The following NAALADL2 variants were observed in gnomAD, a reference collection of about 807,000 sequenced individuals.
NAALADL2 encodes the protein N-acetylated alpha-linked acidic dipeptidase like 2, also known as inactive N-acetylated-alpha-linked acidic dipeptidase-like protein 2.
NAALADL2 carries 76 observed loss-of-function variants against 87.2 expected under a neutral mutation model. The observed-to-expected ratio is 0.87, with a 90% CI of 0.72 to 1.05. The LOEUF is 1.05. Ranked by LOEUF, NAALADL2 falls within the 50% of genes least tolerant of loss-of-function variation. NAALADL2 has a pLI of 0.00. For missense variants in NAALADL2, 1,089 were observed against 945.8 expected (o/e 1.15, Z -1.99); for synonymous variants, 354 against 331.0 (o/e 1.07, Z -0.75).
chr3:174,727,430 G>T (rs1732307906), intron 2 of NAALADL2, among the ~76,000 whole-genome samples: 1 of 151,520 alleles, frequency 6.6e-6, no homozygotes, highest in African/African-American at 2.4e-5. Context: ...TTGGAGCATG[G>T]GTACTACCAT....
chr3:175,380,432 C>T (rs1188043937), intron 5 of NAALADL2, among the ~76,000 whole-genome samples: 2 of 152,078 alleles, frequency 1.3e-5, no homozygotes, highest in Admixed American at 1.3e-4. Context: ...TTCAATAATA[C>T]ATAAATTTTA....
intron 1 of NAALADL2, among the ~76,000 whole-genome samples, chr3:175,079,702 T>C (rs1305264294): frequency 1.3e-5 from 2 of 152,178 alleles, no homozygotes; most frequent in African/African-American, 4.8e-5. Context: ...TATGTGCATA[T>C]CTTCTGGATC....
chr3:174,596,694 C>T (rs1378361426), intron 2 of NAALADL2, among the ~76,000 whole-genome samples: 1 of 152,154 alleles, frequency 6.6e-6, no homozygotes, highest in Non-Finnish European at 1.5e-5. Flanking sequence ...ACTCTTCTTG[C>T]TAAGTACATT....
At chr3:175,416,626 A>G (rs12488942) in intron 5 of NAALADL2, among the ~76,000 whole-genome samples, 4,081 of 152,280 alleles carry the variant, frequency 0.027, 170 homozygotes, top group East Asian at 0.14. Flanking sequence ...ATTTACTACA[A>G]TGCTGTAAAA....
At chr3:175,027,076 A>G (rs1384594896) in intron 1 of NAALADL2, among the ~76,000 whole-genome samples, 2 of 152,090 alleles carry the variant, frequency 1.3e-5, no homozygotes, top group Non-Finnish European at 2.9e-5. Flanking sequence ...GGATTTGTAT[A>G]GTCTTTATTT....
intron 3 of NAALADL2, among the ~76,000 whole-genome samples, chr3:174,791,246 C>T (rs566081918): frequency 6.6e-6 from 1 of 152,320 alleles, no homozygotes; most frequent in South Asian, 2.1e-4. Flanking sequence ...CCAGACCCCT[C>T]TCTGGGTATT....
At chr3:175,289,012 T>C (rs1290502404) in intron 4 of NAALADL2, among the ~76,000 whole-genome samples, 1 of 152,184 alleles carries the variant, frequency 6.6e-6, no homozygotes, top group East Asian at 1.9e-4. Context: ...ACTTGATCTC[T>C]TTAGGGATTA....
In NAALADL2 at chr3:175,134,686, A is replaced by G. The variant is rs962648869; in HGVS notation, c.545+37395A>G. Among the ~76,000 whole-genome samples, 4 of 152,130 alleles carry G rather than the reference A, an allele frequency of 2.6e-5. No individual in the cohort carries two copies. In the South Asian group the frequency reaches 6.2e-4, roughly 24 times the overall value. The stretch of plus-strand genomic sequence containing the variant: ...GAAGACTAAGGGTGAGGGTGGAACA[A>G]TAAGTAAGGGAGATAAAGTATGATG... On this transcript the variant is annotated intron_variant, in intron 2 of 13. Coordinates refer to ENST00000454872, the MANE Select transcript of NAALADL2 (RefSeq NM_207015.3).
At chr3:174,839,327 T>G (rs2109412292) in intron 3 of NAALADL2, among the ~76,000 whole-genome samples, 1 of 152,236 alleles carries the variant, frequency 6.6e-6, no homozygotes, top group South Asian at 2.1e-4. Flanking sequence ...TTCTCTTACC[T>G]TATACAAAAA....
intron 13 of NAALADL2, among the ~76,000 whole-genome samples, chr3:175,783,127 A>G (rs1351986480): frequency 2.0e-5 from 3 of 152,066 alleles, no homozygotes; most frequent in Non-Finnish European, 2.9e-5. Flanking sequence ...TATAGTTTGA[A>G]GTCAGGTAGT....
Position 175,795,780 on chromosome 3 carries a change from C to A in NAALADL2, c.2190-7225C>A, listed in dbSNP as rs1753400354. On this transcript the variant is annotated intron_variant, in intron 13 of 13. Transcript: ENST00000454872. Reference sequence around the variant, plus strand: ...AAATTTTATAAATTATGTATTGCCTCATTGAAAATCACCTCAAAATCTAAT... The same window carrying A: ...AAATTTTATAAATTATGTATTGCCTAATTGAAAATCACCTCAAAATCTAAT... Among the ~76,000 whole-genome samples the A allele has an allele frequency of 2.6e-5, 4 of 152,170 alleles. No homozygotes were observed. The South Asian group carries it at 8.3e-4, about 32-fold the overall frequency.
Position 175,437,799 on chromosome 3 carries a change from G to C in NAALADL2, c.1091-9430G>C, listed in dbSNP as rs548408110. Among the ~76,000 whole-genome samples the C allele has an allele frequency of 8.9e-4, 135 of 152,150 alleles. 1 individual carries two copies. Among genetic ancestry groups the C allele is most frequent in the Middle Eastern group, 3.4e-3 (1 of 294 alleles). On this transcript the variant is annotated intron_variant, in intron 5 of 13. Transcript: ENST00000454872. ...TTTTTAAAAAGTAAAATTATACTCT[G>C]CATAATCTATATATTCTTTTAGTAT... is the stretch of plus-strand genomic sequence containing the variant.
chr3:175,420,982 A>C (rs1210635594), intron 5 of NAALADL2, among the ~76,000 whole-genome samples: 2 of 152,112 alleles, frequency 1.3e-5, no homozygotes, highest in African/African-American at 4.8e-5. Context: ...CTTAGAGGTT[A>C]GAAGTATTTA....
intron 3 of NAALADL2, among the ~76,000 whole-genome samples, chr3:174,839,124 T>G (rs1461596588): frequency 2.0e-5 from 3 of 152,138 alleles, no homozygotes; most frequent in African/African-American, 7.2e-5. Flanking sequence ...CAAAACAGAA[T>G]GGTACTGTTA....
intron 4 of NAALADL2, among the ~76,000 whole-genome samples, chr3:175,271,403 G>A (rs1440155325): frequency 6.6e-6 from 1 of 152,162 alleles, no homozygotes; most frequent in Non-Finnish European, 1.5e-5. Context: ...AAAAGCCTGA[G>A]AAGAAAGTCA....
At chr3:174,943,860 A>T (rs1274505447) in intron 1 of NAALADL2, among the ~76,000 whole-genome samples, 2 of 152,182 alleles carry the variant, frequency 1.3e-5, no homozygotes, top group South Asian at 2.1e-4. Context: ...TAGCAAAGTC[A>T]GTTCCACTGC....
chr3:174,662,238 G>A (rs538848056), intron 2 of NAALADL2, among the ~76,000 whole-genome samples: 9 of 152,090 alleles, frequency 5.9e-5, no homozygotes, highest in South Asian at 2.1e-4. Context: ...AGCTGTTTTC[G>A]TTTAGAAGTA....
intron 1 of NAALADL2, among the ~76,000 whole-genome samples, chr3:174,495,650 G>A (rs1718484128): frequency 6.6e-6 from 1 of 152,178 alleles, no homozygotes; most frequent in Non-Finnish European, 1.5e-5. Context: ...TGGACTCGTG[G>A]AGAGAGCTTT....
chr3:175,420,288 C>G (rs1287472959), intron 5 of NAALADL2, among the ~76,000 whole-genome samples: 8 of 152,022 alleles, frequency 5.3e-5, no homozygotes, highest in African/African-American at 1.9e-4. Flanking sequence ...CATCGTCTAT[C>G]TCTGCTGAGA....
Sources: gnomAD v4.1 joint callset for allele counts (sites outside exome capture counted in the v4.1 genomes callset) on GRCh38, gnomAD v4.1.1 for gene constraint, MANE v1.5 for transcripts, NCBI Gene and HGNC (gene_info 2026-07-23, HGNC 2026-07-21) for gene names.